CRB1: variants seen among roughly 807,000 people sequenced by gnomAD.
The protein encoded by CRB1 is crumbs cell polarity complex component 1, also known as protein crumbs homolog 1.
Under a neutral mutation model 120.0 loss-of-function variants are expected in CRB1, and 83 were observed. That is an observed-to-expected ratio of 0.69 (90% CI 0.58 to 0.83). The LOEUF is 0.83. Among genes scored for constraint, CRB1 ranks in the 40% least tolerant of loss-of-function variants. The pLI is 0.00. For synonymous variants in CRB1, 625 were observed against 612.5 expected, an observed-to-expected ratio of 1.02 and a Z score of -0.30; for missense variants, 1,699 against 1,687.6, an observed-to-expected ratio of 1.01 and a Z score of -0.12.
At chr1:197,446,101 A>T (rs1335655789) in intron 11 of CRB1, among the ~76,000 whole-genome samples, 1 of 151,990 alleles carries the variant, frequency 6.6e-6, no homozygotes, top group African/African-American at 2.4e-5. Context: ...GAGGAAGGAG[A>T]ATCACTTTAA....
chr1:197,473,794 A>G (rs756024783), intron 11 of CRB1, among the ~76,000 whole-genome samples: 29 of 152,048 alleles, frequency 1.9e-4, no homozygotes, highest in Non-Finnish European at 3.5e-4. Context: ...AGCAGTTTCA[A>G]TTATCAAAAG....
chr1:197,353,573 C>T (rs935890256), intron 4 of CRB1, among the ~76,000 whole-genome samples: 5 of 151,824 alleles, frequency 3.3e-5, no homozygotes, highest in African/African-American at 7.3e-5. Context: ...GGCCGAGGCG[C>T]GTGGATCACC....
At position 197,383,375 on chromosome 1, in the gene CRB1, G is replaced by A. The variant is rs993079576; in HGVS notation, c.1171+26362G>A. Among the ~76,000 whole-genome samples the A allele has an allele frequency of 2.0e-5, 3 of 152,064 alleles. No individual in the cohort carries two copies. In the East Asian group the frequency reaches 5.8e-4, roughly 29 times the overall value. ...AGCAGAATGCAACTGGACCCGCTAC[G>A]CTCTCCATTCTCTGCCTCTTGCAAA... On this transcript the variant is annotated intron_variant, in intron 5 of 11. Transcript: ENST00000367400.
upstream of CRB1, among the ~76,000 whole-genome samples, chr1:197,267,471 A>C (rs971385004): frequency 5.9e-5 from 9 of 152,170 alleles, no homozygotes; most frequent in Non-Finnish European, 1.3e-4. Context: ...CAGATTTATA[A>C]AGCTTTGTAA....
At chr1:197,308,745 A>G (rs1449900584) in intron 1 of CRB1, among the ~76,000 whole-genome samples, 1 of 151,750 alleles carries the variant, frequency 6.6e-6, no homozygotes, top group East Asian at 1.9e-4. Context: ...CTATTATGAT[A>G]ATAGTGATTA....
intron 1 of CRB1, among the ~76,000 whole-genome samples, chr1:197,276,225 G>A (rs943229738): frequency 1.3e-5 from 2 of 151,138 alleles, no homozygotes; most frequent in African/African-American, 2.5e-5. Flanking sequence ...GCTGTATCCC[G>A]TACATGTAGG....
chr1:197,384,088 A>C (rs1036118855), intron 5 of CRB1, among the ~76,000 whole-genome samples: 1 of 152,208 alleles, frequency 6.6e-6, no homozygotes, highest in African/African-American at 2.4e-5. Flanking sequence ...TCCTTAAGTT[A>C]GAAAATTTCC....
intron 5 of CRB1, chr1:197,364,056 G>A: frequency 7.4e-7 from 1 of 1,345,154 alleles, no homozygotes; most frequent in South Asian, 1.2e-5. Context: ...GAAAGAATCA[G>A]GCAGATCCGT....
At chr1:197,245,980 C>G in the CRB1 span, among the ~76,000 whole-genome samples, 7 of 152,066 alleles carry the variant, frequency 4.6e-5, no homozygotes, top group African/African-American at 1.7e-4. Flanking sequence ...GGCAAAAGTT[C>G]TAACTTTCCA....
chr1:197,208,779 G>A, the CRB1 span, among the ~76,000 whole-genome samples: 1 of 152,170 alleles, frequency 6.6e-6, no homozygotes, highest in East Asian at 1.9e-4. Context: ...CATTAGATGA[G>A]CCATAGAGCT....
intron 11 of CRB1, among the ~76,000 whole-genome samples, chr1:197,471,987 A>G (rs1666999033): frequency 6.6e-6 from 1 of 152,222 alleles, no homozygotes; most frequent in Non-Finnish European, 1.5e-5. Context: ...TACTTTATAT[A>G]TGTAGATGGA....
At chr1:197,291,435 A>G (rs1656175726) in intron 1 of CRB1, among the ~76,000 whole-genome samples, 1 of 151,808 alleles carries the variant, frequency 6.6e-6, no homozygotes, top group African/African-American at 2.4e-5. Flanking sequence ...TACATGTTTT[A>G]TCAAATTAAT....
chr1:197,202,967 G>A, the CRB1 span, among the ~76,000 whole-genome samples: 1 of 146,078 alleles, frequency 6.8e-6, no homozygotes, highest in Non-Finnish European at 1.6e-5. Flanking sequence ...TTTGTGGTGT[G>A]TGTGTGTGTG....
intron 5 of CRB1, among the ~76,000 whole-genome samples, chr1:197,405,051 T>G (rs910373402): frequency 6.6e-6 from 1 of 150,872 alleles, no homozygotes; most frequent in Non-Finnish European, 1.5e-5. Flanking sequence ...CCTCGCCCTC[T>G]CCCTCTCCCT....
intron 5 of CRB1, among the ~76,000 whole-genome samples, chr1:197,364,281 T>A: frequency 6.6e-6 from 1 of 152,240 alleles, no homozygotes; most frequent in Non-Finnish European, 1.5e-5. Flanking sequence ...CTATAGGTAA[T>A]AGATTATTTC....
chr1:197,393,407 T>C (rs1391303277), intron 5 of CRB1, among the ~76,000 whole-genome samples: 4 of 152,100 alleles, frequency 2.6e-5, no homozygotes, highest in Non-Finnish European at 4.4e-5. Flanking sequence ...AAGGGCTGGC[T>C]ACAGTGGCTC....
At chr1:197,264,274 G>C (rs1046940943), upstream of CRB1, among the ~76,000 whole-genome samples, 2 of 152,152 alleles carry the variant, frequency 1.3e-5, no homozygotes, top group Non-Finnish European at 2.9e-5. Context: ...ATAGCCTCCA[G>C]TTCCATCCAT....
At chr1:197,354,357 G>A (rs750066584) in intron 4 of CRB1, among the ~76,000 whole-genome samples, 5 of 152,162 alleles carry the variant, frequency 3.3e-5, no homozygotes, top group Non-Finnish European at 5.9e-5. Context: ...GAAATTGGTG[G>A]GTTGTTGGTC....
chr1:197,445,462 T>C (rs1665658111), intron 11 of CRB1, among the ~76,000 whole-genome samples: 1 of 152,220 alleles, frequency 6.6e-6, no homozygotes, highest in South Asian at 2.1e-4. Flanking sequence ...GGACTTACTC[T>C]ATGCCAGGAA....
Sources: gnomAD v4.1 joint callset for allele counts (sites outside exome capture counted in the v4.1 genomes callset) on GRCh38, gnomAD v4.1.1 for gene constraint, MANE v1.5 for transcripts, NCBI Gene and HGNC (gene_info 2026-07-23, HGNC 2026-07-21) for gene names.